The following MAP7D2 variants were observed in gnomAD, a reference collection of about 807,000 sequenced individuals.
The protein encoded by MAP7D2 is MAP7 domain containing 2.
Under a neutral mutation model 63.5 loss-of-function variants are expected in MAP7D2, and 33 were observed. That is an observed-to-expected ratio of 0.52 (90% CI 0.39 to 0.70). MAP7D2 has a LOEUF of 0.70. Among genes scored for constraint, MAP7D2 ranks in the 30% least tolerant of loss-of-function variants. The pLI, the probability that MAP7D2 is intolerant of heterozygous loss-of-function variation, is 0.00. For synonymous variants in MAP7D2, 224 were observed against 223.7 expected (o/e 1.00, Z -0.01); for missense variants, 626 against 604.0 (o/e 1.04, Z -0.38).
At chrX:20,017,462 C>T (rs1488855879) in intron 10 of MAP7D2, among the ~76,000 whole-genome samples, 1 of 112,408 alleles carries the variant, frequency 8.9e-6, no homozygotes, top group Non-Finnish European at 1.9e-5. Flanking sequence ...GAGCATCCAT[C>T]CATCCTAATG....
chrX:20,042,693 A>G lies in MAP7D2; in HGVS notation c.880-64T>C. ...ACTACTTCCACAATTTATAAGACTA[A>G]TACCCCAGATGGAACAATGCACAGC... On this transcript the variant is annotated intron_variant, in intron 7 of 16. Transcript: ENST00000379643. 3 of 1,141,669 alleles carry G rather than the reference A, an allele frequency of 2.6e-6. No homozygotes were observed. The African/African-American group carries it at 5.3e-5, about 20-fold the overall frequency. 94.1% of individuals were successfully genotyped at this position (1,141,669 alleles called of 1,213,427 possible). A position where few individuals can be genotyped will look rare whatever the true frequency, so the allele number is the denominator to read the frequency against.
intron 1 of MAP7D2, among the ~76,000 whole-genome samples, chrX:20,090,664 AT>A (rs1004866040): frequency 1.8e-5 from 2 of 112,617 alleles, no homozygotes; most frequent in African/African-American, 6.5e-5. Context: ...AAACATACAT[AT>A]GACCCAGCAA....
chrX:20,080,966 T>C (rs1030985802), intron 1 of MAP7D2, among the ~76,000 whole-genome samples: 5 of 111,703 alleles, frequency 4.5e-5, no homozygotes, highest in African/African-American at 1.6e-4. Flanking sequence ...CAATGAGGGT[T>C]GTGTCATGTG....
chrX:20,102,334 T>C (rs1056987904), intron 1 of MAP7D2, among the ~76,000 whole-genome samples: 1 of 111,122 alleles, frequency 9.0e-6, no homozygotes, highest in African/African-American at 3.3e-5. Flanking sequence ...AGCCAAGTAC[T>C]GAAAGATGAA....
At position 20,010,876 on chromosome X, in the gene MAP7D2, T is replaced by C. The variant is rs951661491; in HGVS notation, c.2249A>G (p.Asp750Gly). 9 of 1,209,398 alleles carry C rather than the reference T, an allele frequency of 7.4e-6. No individual in the cohort carries two copies. The highest frequency in any genetic ancestry group is 1.0e-5 in the Non-Finnish European group (9 of 895,065). ...TTCGATAAGGTTTTTGTTACAGTCGTCCAGGCTGAGATTTTCACTGGATCT... is the reference window on the plus strand; with the variant it reads ...TTCGATAAGGTTTTTGTTACAGTCGCCCAGGCTGAGATTTTCACTGGATCT... ...PKRSSENLSL[D>G]DCNKNLIEGF... The change falls in exon 16 of 17, where the codon GAC becomes GGC. Residue 750 changes from aspartate to glycine, a missense_variant. Asp to Gly is a moderately conservative substitution (Grantham distance 94, BLOSUM62 -1). Coordinates refer to ENST00000379643, the MANE Select transcript of MAP7D2 (RefSeq NM_001168465.2).
At chrX:20,012,576 G>A in intron 14 of MAP7D2, 41 bp from the exon 15 acceptor site, 5 of 1,049,274 alleles carry the variant, frequency 4.8e-6, no homozygotes, top group Non-Finnish European at 6.4e-6. Context: ...ATCATAAAAT[G>A]TCTAAATAAA....
At chrX:20,054,997 T>A (rs189187334) in intron 4 of MAP7D2, among the ~76,000 whole-genome samples, 1 of 112,348 alleles carries the variant, frequency 8.9e-6, no homozygotes, top group African/African-American at 3.2e-5. Context: ...GTCAAAGGAA[T>A]GTCAGAAACC....
chrX:20,075,783 T>C (rs1470925483), intron 1 of MAP7D2, among the ~76,000 whole-genome samples: 2 of 112,208 alleles, frequency 1.8e-5, no homozygotes, highest in Admixed American at 9.5e-5. Context: ...TTGGGATACT[T>C]ATTTTGGAAA....
At chrX:20,081,809 C>T (rs2065785506) in intron 1 of MAP7D2, among the ~76,000 whole-genome samples, 1 of 111,255 alleles carries the variant, frequency 9.0e-6, no homozygotes. Context: ...TGCACCACCA[C>T]GCTCAGCTTT....
At chrX:20,058,287 T>G (rs2065116394) in intron 3 of MAP7D2, among the ~76,000 whole-genome samples, 2 of 112,427 alleles carry the variant, frequency 1.8e-5, no homozygotes, top group East Asian at 5.6e-4. Flanking sequence ...CCACTCGAGA[T>G]TGGGGCTGAA....
At chrX:20,068,414 G>A (rs1455014638) in intron 1 of MAP7D2, among the ~76,000 whole-genome samples, 3 of 112,111 alleles carry the variant, frequency 2.7e-5, no homozygotes, top group African/African-American at 6.5e-5. Context: ...TTTACTGGAT[G>A]AGTAAAGCTT....
rs373703530 is a variant in MAP7D2 at position 20,084,995 on chromosome X, C to T, written c.131-20190G>A. Among the ~76,000 whole-genome samples, 91 of 111,643 alleles carry T rather than the reference C, an allele frequency of 8.2e-4. 1 individual carries two copies. The highest frequency in any genetic ancestry group is 2.9e-3 in the African/African-American group (89 of 30,713). On this transcript the variant is annotated intron_variant, in intron 1 of 16. Coordinates refer to ENST00000379643, the MANE Select transcript of MAP7D2 (RefSeq NM_001168465.2). ...TGAAACCATGGTAGGAACCTGCAAG[C>T]GAGGCAAACACATTGAGCTGCCTCA...
intron 1 of MAP7D2, among the ~76,000 whole-genome samples, chrX:20,069,161 A>C (rs1476997905): frequency 8.9e-6 from 1 of 111,755 alleles, no homozygotes; most frequent in East Asian, 2.8e-4. Flanking sequence ...TTTCCTACCC[A>C]ATCATCCTTT....
intron 1 of MAP7D2, among the ~76,000 whole-genome samples, chrX:20,110,362 G>A (rs887922417): frequency 1.8e-5 from 2 of 109,739 alleles, no homozygotes; most frequent in Non-Finnish European, 3.8e-5. Flanking sequence ...GCTAGTGCAT[G>A]CCTGTAGTCC....
At chrX:20,111,946 A>C (rs1035384155) in intron 1 of MAP7D2, among the ~76,000 whole-genome samples, 1 of 110,590 alleles carries the variant, frequency 9.0e-6, no homozygotes, top group Non-Finnish European at 1.9e-5. Context: ...AATTTTTCGT[A>C]TTTTTTGTGG....
intron 1 of MAP7D2, among the ~76,000 whole-genome samples, chrX:20,103,623 G>T (rs4825334): frequency 0.35 from 38,956 of 111,443 alleles, 7,805 homozygotes; most frequent in African/African-American, 0.77. Flanking sequence ...TTAGTCAACA[G>T]CTAGTTAATT....
chrX:20,015,223 C>T lies in MAP7D2; in HGVS notation c.1749G>A (p.Lys583=). The T allele has an allele frequency of 2.5e-6, 3 of 1,203,525 alleles. No individual in the cohort carries two copies. Among genetic ancestry groups the T allele is most frequent in the Non-Finnish European group, 3.4e-6 (3 of 888,394 alleles). The change falls in exon 12 of 17, where the codon AAG becomes AAA. Residue 583 remains lysine (K), a splice_region_variant and synonymous_variant. Transcript: ENST00000379643. ...GGTCTTCCTGACCCTCAGCCCTTAC[C>T]TTCTTTCTCTCCAGTCTCTCCTGCT... ...QIEQERLERK[K]RIDEIMKRTR...
chrX:20,011,246 G>A (rs951630527), intron 15 of MAP7D2, among the ~76,000 whole-genome samples, 194 bp from the exon 16 acceptor site: 1 of 111,240 alleles, frequency 9.0e-6, no homozygotes, highest in East Asian at 2.8e-4. Context: ...TGGTGGACAC[G>A]AGGCCCCATG....
intron 3 of MAP7D2, among the ~76,000 whole-genome samples, chrX:20,059,708 GGAAGGAAGGAAA>G (rs1189501144): frequency 1.9e-5 from 2 of 105,119 alleles, no homozygotes. Context: ...TAGATAGGAA[GGAAGGAAGGAAA>G]GAAGGAAGGA....
Sources: allele counts gnomAD v4.1 joint callset (sites outside exome capture counted in the v4.1 genomes callset), GRCh38; gene constraint gnomAD v4.1.1; transcripts MANE v1.5; gene names NCBI Gene and HGNC (gene_info 2026-07-23, HGNC 2026-07-21).